The following CADM1 variants were observed in gnomAD, a reference collection of about 807,000 sequenced individuals.
CADM1 encodes cell adhesion molecule 1.
A neutral mutation model predicts 53.1 loss-of-function variants in CADM1; 15 were observed. That is an observed-to-expected ratio of 0.28 (90% confidence interval 0.19 to 0.44). The LOEUF is 0.44. Among genes scored for constraint, CADM1 ranks in the 20% least tolerant of loss-of-function variants. The pLI is 1.00. For synonymous variants in CADM1, 281 were observed against 243.0 expected (o/e 1.16, Z -1.45); for missense variants, 434 against 611.3 (o/e 0.71, Z 3.06).
At chr11:115,271,283 G>C (rs868639556) in intron 1 of CADM1, among the ~76,000 whole-genome samples, 1 of 151,904 alleles carries the variant, frequency 6.6e-6, no homozygotes, top group African/African-American at 2.4e-5. Context: ...TTGTTTTGTT[G>C]TTGTTGTTGT....
At chr11:115,287,981 G>A (rs1356968131) in intron 1 of CADM1, among the ~76,000 whole-genome samples, 1 of 152,156 alleles carries the variant, frequency 6.6e-6, no homozygotes, top group Non-Finnish European at 1.5e-5. Context: ...CTTTAGGAGA[G>A]TTGGGGCAGT....
chr11:115,196,009 A>T (rs755862510), intron 9 of CADM1, among the ~76,000 whole-genome samples: 23 of 152,336 alleles, frequency 1.5e-4, no homozygotes, highest in Non-Finnish European at 1.6e-4. Context: ...TATATATACA[A>T]AATACAATAA....
rs190595045 is a variant in CADM1, at chr11:115,468,921, G to T, written c.124+35350C>A. On this transcript the variant is annotated intron_variant, in intron 1 of 11. Transcript: ENST00000331581. ...ACGTCCTACATGCAGCAGGCAAGAG[G>T]GCATGTGCAGGCAAACTCCCCTTTA... is the stretch of plus-strand genomic sequence containing the variant. Among the ~76,000 whole-genome samples, 10 of 152,186 alleles carry T rather than the reference G, an allele frequency of 6.6e-5. No homozygotes were observed. In the South Asian group the frequency reaches 8.3e-4, roughly 13 times the overall value.
At chr11:115,439,842 T>C (rs147089852) in intron 1 of CADM1, among the ~76,000 whole-genome samples, 105 of 152,316 alleles carry the variant, frequency 6.9e-4, no homozygotes, top group Middle Eastern at 6.8e-3. Flanking sequence ...CATCAAAACA[T>C]TGGAGTAGGG....
intron 7 of CADM1, among the ~76,000 whole-genome samples, chr11:115,211,748 C>A (rs1199540497): frequency 6.6e-6 from 1 of 151,962 alleles, no homozygotes; most frequent in Non-Finnish European, 1.5e-5. Flanking sequence ...CTCGGCCTCC[C>A]AAAGTGCTGA....
At chr11:115,450,557 G>A (rs894795548) in intron 1 of CADM1, among the ~76,000 whole-genome samples, 12 of 152,180 alleles carry the variant, frequency 7.9e-5, no homozygotes, top group African/African-American at 2.9e-4. Context: ...CTGTTGTTCA[G>A]TATAGATAGC....
At chr11:115,254,530 C>G (rs989457458) in intron 1 of CADM1, among the ~76,000 whole-genome samples, 1 of 147,832 alleles carries the variant, frequency 6.8e-6, no homozygotes, top group African/African-American at 2.5e-5. Context: ...TAAGAAGTTC[C>G]TAATGCGCAA....
At chr11:115,219,957 A>C (rs1374251692) in intron 5 of CADM1, among the ~76,000 whole-genome samples, 1 of 152,140 alleles carries the variant, frequency 6.6e-6, no homozygotes, top group East Asian at 1.9e-4. Flanking sequence ...TAGAGTTCCT[A>C]GTTAGGGGAC....
chr11:115,293,701 ATATT>A (rs1436774014), intron 1 of CADM1, among the ~76,000 whole-genome samples: 1 of 152,196 alleles, frequency 6.6e-6, no homozygotes, highest in Non-Finnish European at 1.5e-5. Context: ...TTGCTTAATA[ATATT>A]TATTATTATT....
chr11:115,474,904 A>AAC (rs756186714), intron 1 of CADM1, among the ~76,000 whole-genome samples: 1 of 152,188 alleles, frequency 6.6e-6, no homozygotes, highest in Admixed American at 6.5e-5. Flanking sequence ...ACTACAACTA[A>AAC]ACACACACAC....
chr11:115,428,483 T>G (rs994487241), intron 1 of CADM1, among the ~76,000 whole-genome samples: 1 of 152,064 alleles, frequency 6.6e-6, no homozygotes, highest in African/African-American at 2.4e-5. Flanking sequence ...TTTTAAGAGT[T>G]TGGAATGATG....
chr11:115,382,908 T>C (rs779751092), intron 1 of CADM1, among the ~76,000 whole-genome samples: 1 of 152,244 alleles, frequency 6.6e-6, no homozygotes, highest in Non-Finnish European at 1.5e-5. Flanking sequence ...AGTCTCCCTT[T>C]AAAGGGAAAT....
chr11:115,416,311 C>A (rs1947595671), intron 1 of CADM1, among the ~76,000 whole-genome samples: 1 of 152,120 alleles, frequency 6.6e-6, no homozygotes, highest in Admixed American at 6.6e-5. Context: ...ATTAAATCTC[C>A]AGAGTGAAAA....
chr11:115,439,576 A>G (rs1383975418), intron 1 of CADM1, among the ~76,000 whole-genome samples: 1 of 152,198 alleles, frequency 6.6e-6, no homozygotes, highest in East Asian at 1.9e-4. Flanking sequence ...CCAATTACTT[A>G]ACTAATGTTT....
chr11:115,364,317 C>T (rs151281254), intron 1 of CADM1, among the ~76,000 whole-genome samples: 237 of 152,280 alleles, frequency 1.6e-3, no homozygotes, highest in African/African-American at 5.5e-3. Flanking sequence ...TATGCCCATC[C>T]TTAAGTCTCC....
chr11:115,379,314 C>T (rs1295320630), intron 1 of CADM1, among the ~76,000 whole-genome samples: 1 of 152,114 alleles, frequency 6.6e-6, no homozygotes, highest in Non-Finnish European at 1.5e-5. Context: ...AAAAAGAAAA[C>T]TCGTTTATCT....
In CADM1 at chr11:115,313,013, GA is replaced by G. The variant is rs760815656; in HGVS notation, c.125-72594del. Among the ~76,000 whole-genome samples the G allele has an allele frequency of 5.4e-4, 80 of 148,026 alleles. No homozygotes were observed. The East Asian group carries it at 5.9e-3, about 11-fold the overall frequency. On this transcript the variant is annotated intron_variant, in intron 1 of 11. Transcript: ENST00000331581. ...GTAAATGATTTTTTAGATCCTTGGA[GA>G]AAAAAAAAACTAGAAAAGCAGCAAG...
chr11:115,497,837 T>C (rs1949653512), intron 1 of CADM1, among the ~76,000 whole-genome samples: 1 of 152,096 alleles, frequency 6.6e-6, no homozygotes, highest in African/African-American at 2.4e-5. Flanking sequence ...GGGGGCAGGT[T>C]TTCACCTGTC....
At chr11:115,209,778 CA>C in intron 7 of CADM1, 121 bp from the exon 8 acceptor site, 1 of 1,193,886 alleles carries the variant, frequency 8.4e-7, no homozygotes, top group Non-Finnish European at 1.2e-6. Context: ...CCTTTAAAAC[CA>C]AAAGTTCTTT....
Sources: allele counts gnomAD v4.1 joint callset (sites outside exome capture counted in the v4.1 genomes callset), GRCh38; gene constraint gnomAD v4.1.1; transcripts MANE v1.5; gene names NCBI Gene and HGNC (gene_info 2026-07-23, HGNC 2026-07-21).